Variants in STXBP5L observed in about 807,000 individuals in gnomAD.
The protein encoded by STXBP5L is syntaxin binding protein 5L.
A neutral mutation model predicts 144.5 loss-of-function variants in STXBP5L; 65 were observed. That is an observed-to-expected ratio of 0.45 (90% CI 0.37 to 0.55). The LOEUF is 0.55. Among genes scored for constraint, STXBP5L ranks in the 20% least tolerant of loss-of-function variants. STXBP5L has a pLI of 0.00. For missense variants in STXBP5L, 1,298 were observed against 1,405.5 expected (o/e 0.92, Z 1.22); for synonymous variants, 505 against 469.6 (o/e 1.08, Z -0.97).
intron 22 of STXBP5L, among the ~76,000 whole-genome samples, chr3:121,395,805 G>C (rs1186681650): frequency 6.6e-6 from 1 of 152,198 alleles, no homozygotes; most frequent in African/African-American, 2.4e-5. Context: ...CACCAGCTGT[G>C]ACAGCTTCTT....
intron 5 of STXBP5L, among the ~76,000 whole-genome samples, chr3:121,060,484 C>T (rs1208145754): frequency 6.6e-6 from 1 of 152,134 alleles, no homozygotes; most frequent in African/African-American, 2.4e-5. Context: ...AAGCTGGCCT[C>T]ATAAAATGAG....
intron 5 of STXBP5L, among the ~76,000 whole-genome samples, chr3:121,109,638 T>C (rs2043884724): frequency 6.6e-6 from 1 of 152,032 alleles, no homozygotes; most frequent in Admixed American, 6.5e-5. Flanking sequence ...TTACTTCCAA[T>C]TAAATGATTG....
rs1022763316 is a variant in STXBP5L at position 121,370,210 on chromosome 3, CA to C, written c.2177-8498del. The stretch of plus-strand genomic sequence containing the variant: ...GTGAAACCCGTCTCTACTAAAAATA[CA>C]AAAAAAATTAGCCAGGCATGATGGC... On this transcript the variant is annotated intron_variant, in intron 20 of 26. Transcript: ENST00000471454. Among the ~76,000 whole-genome samples the C allele has an allele frequency of 7.2e-5, 11 of 151,826 alleles. No individual in the cohort carries two copies. In the East Asian group the frequency reaches 1.2e-3, roughly 16 times the overall value.
intron 10 of STXBP5L, among the ~76,000 whole-genome samples, chr3:121,210,210 C>T (rs2048502997): frequency 6.6e-6 from 1 of 152,074 alleles, no homozygotes; most frequent in East Asian, 1.9e-4. Context: ...TTTCATGTGT[C>T]TTTTGGCTGC....
At chr3:121,055,818 G>A (rs1189724815) in intron 5 of STXBP5L, among the ~76,000 whole-genome samples, 1 of 151,368 alleles carries the variant, frequency 6.6e-6, no homozygotes, top group African/African-American at 2.4e-5. Context: ...TCCCACCTTA[G>A]CCTCCTGAGG....
At chr3:120,999,016 G>C (rs1943567228) in intron 3 of STXBP5L, among the ~76,000 whole-genome samples, 1 of 152,042 alleles carries the variant, frequency 6.6e-6, no homozygotes, top group South Asian at 2.1e-4. Flanking sequence ...TCATATAATT[G>C]TATGTTTTGT....
At chr3:120,945,722 A>C (rs1281080887) in intron 2 of STXBP5L, among the ~76,000 whole-genome samples, 1 of 151,786 alleles carries the variant, frequency 6.6e-6, no homozygotes, top group Admixed American at 6.6e-5. Flanking sequence ...AATAGAGGTC[A>C]TTGGTTTTGG....
At chr3:121,361,872 G>T (rs2045722437) in intron 20 of STXBP5L, among the ~76,000 whole-genome samples, 1 of 151,980 alleles carries the variant, frequency 6.6e-6, no homozygotes, top group South Asian at 2.1e-4. Flanking sequence ...TTGGTGTGTG[G>T]GCATTGAAGA....
rs952818847 is a variant in STXBP5L, at chr3:121,144,409, G to A, written c.670-8068G>A. Among the ~76,000 whole-genome samples the A allele has an allele frequency of 4.6e-5, 7 of 151,852 alleles. No homozygotes were observed. In the East Asian group the frequency reaches 1.2e-3, roughly 25 times the overall value. Reference sequence around the variant, plus strand: ...TAATGTTACTAATCATTAGAGAAACGCAAATCAAAACCAAGAATAGATACT... The same window carrying A: ...TAATGTTACTAATCATTAGAGAAACACAAATCAAAACCAAGAATAGATACT... On this transcript the variant is annotated intron_variant, in intron 7 of 26. Transcript: ENST00000471454.
rs370219071 is a variant in STXBP5L at position 120,955,030 on chromosome 3, A to G, written c.280A>G (p.Ile94Val). ...ILAIGTRTGA[I>V]RILGRPGVDC... ...GGCTATTGGGACGAGAACAGGTGCT[A>G]TACGAATGTATCCTTAAATTTTGGT... Residue 94 changes from isoleucine (I) to valine (V), a missense_variant, in exon 3 of 27, where the codon ATA (isoleucine) becomes GTA (valine). Ile to Val is a conservative substitution (Grantham distance 29). Coordinates refer to ENST00000471454, the MANE Select transcript of STXBP5L (RefSeq NM_001308330.2). 13 of 1,611,140 alleles carry G rather than the reference A, an allele frequency of 8.1e-6. No homozygotes were observed. Among genetic ancestry groups the G allele is most frequent in the Admixed American group, 6.7e-5 (4 of 59,710 alleles).
intron 6 of STXBP5L, 66 bp from the exon 7 acceptor site, chr3:121,121,575 T>C: frequency 2.6e-6 from 3 of 1,145,516 alleles, no homozygotes; most frequent in Non-Finnish European, 2.6e-6. Context: ...TTTCTTTGTT[T>C]CAGTCTCTAG....
intron 3 of STXBP5L, among the ~76,000 whole-genome samples, chr3:121,039,947 G>T (rs1947030500): frequency 6.7e-6 from 1 of 148,906 alleles, no homozygotes; most frequent in South Asian, 2.1e-4. Context: ...TTCTATTTGA[G>T]ATAGATAGGT....
At chr3:121,139,209 T>C (rs889860333) in intron 7 of STXBP5L, among the ~76,000 whole-genome samples, 1 of 152,052 alleles carries the variant, frequency 6.6e-6, no homozygotes, top group African/African-American at 2.4e-5. Context: ...ATTTAGTGTA[T>C]ATTTATAAAA....
chr3:121,347,474 T>A (rs2045046995), intron 20 of STXBP5L, among the ~76,000 whole-genome samples: 2 of 152,176 alleles, frequency 1.3e-5, no homozygotes, highest in African/African-American at 4.8e-5. Context: ...TTTAAAGTAG[T>A]TTTTTCCAAT....
intron 3 of STXBP5L, among the ~76,000 whole-genome samples, chr3:121,025,565 A>G (rs548226138): frequency 1.3e-5 from 2 of 152,118 alleles, no homozygotes; most frequent in East Asian, 3.9e-4. Flanking sequence ...TTACTGTTCC[A>G]TATATTTCTT....
intron 20 of STXBP5L, 111 bp downstream of exon 20, chr3:121,318,651 A>C (rs1559971206): frequency 1.4e-6 from 1 of 690,784 alleles, no homozygotes; most frequent in Non-Finnish European, 2.2e-6. Flanking sequence ...ATTAGGTATA[A>C]TTCCATTCAT....
At chr3:121,308,561 T>C (rs2043420253) in intron 19 of STXBP5L, among the ~76,000 whole-genome samples, 1 of 152,214 alleles carries the variant, frequency 6.6e-6, no homozygotes, top group Non-Finnish European at 1.5e-5. Flanking sequence ...TATATATAAT[T>C]GTTATTTGGG....
chr3:121,376,051 G>A (rs534381939), intron 20 of STXBP5L, among the ~76,000 whole-genome samples: 2 of 152,146 alleles, frequency 1.3e-5, no homozygotes, highest in African/African-American at 2.4e-5. Context: ...TATCTTGGAC[G>A]TGAGTAGTTT....
intron 19 of STXBP5L, among the ~76,000 whole-genome samples, chr3:121,290,485 A>G (rs1196785250): frequency 6.6e-6 from 1 of 152,154 alleles, no homozygotes; most frequent in African/African-American, 2.4e-5. Context: ...TTCAAAAAAG[A>G]ATTGGTACCA....
Sources: gnomAD v4.1 joint callset for allele counts (sites outside exome capture counted in the v4.1 genomes callset) on GRCh38, gnomAD v4.1.1 for gene constraint, MANE v1.5 for transcripts, NCBI Gene and HGNC (gene_info 2026-07-23, HGNC 2026-07-21) for gene names.